Variants in FOXN2 observed in about 807,000 individuals in gnomAD.
The protein encoded by FOXN2 is forkhead box protein N2.
A neutral mutation model predicts 41.2 loss-of-function variants in FOXN2; 19 were observed. The observed-to-expected ratio is 0.46, with a 90% CI of 0.32 to 0.68. The LOEUF is 0.68. Ranked by LOEUF, FOXN2 falls within the 30% of genes least tolerant of loss-of-function variation. The probability of loss-of-function intolerance (pLI) is 0.03; values close to 1 mark genes in which losing one functional copy is unlikely to be tolerated. For missense variants in FOXN2, 587 were observed against 509.4 expected (o/e 1.15, Z -1.47); for synonymous variants, 195 against 176.8 (o/e 1.10, Z -0.82).
Position 48,345,248 on chromosome 2 carries a change from A to G in FOXN2, c.-14-953A>G, listed in dbSNP as rs372614274. ...AACTTATAGTGAATTTAATTTAGCT[A>G]ATGATAAATTTAGTGAATAAGAAGT... On this transcript the variant is annotated intron_variant, in intron 2 of 6. Transcript: ENST00000340553. 5.9e-5 allele frequency among the ~76,000 whole-genome samples: 9 copies of G among 152,296 alleles called. No individual in the cohort carries two copies. The South Asian group carries it at 1.0e-3, about 18-fold the overall frequency.
At chr2:48,332,883 G>A (rs1035230721) in intron 2 of FOXN2, among the ~76,000 whole-genome samples, 6 of 152,108 alleles carry the variant, frequency 3.9e-5, no homozygotes, top group African/African-American at 1.4e-4. Flanking sequence ...GAAAAGCAGG[G>A]CTGGGATTTG....
chr2:48,362,549 G>A, intron 4 of FOXN2, 94 bp from the exon 5 acceptor site: 16 of 1,059,050 alleles, frequency 1.5e-5, no homozygotes, highest in Non-Finnish European at 2.3e-5. Context: ...AGCCTGGGCG[G>A]CCAGCAGAGT....
chr2:48,359,540 C>T (rs1345916078), intron 4 of FOXN2, among the ~76,000 whole-genome samples: 3 of 152,106 alleles, frequency 2.0e-5, no homozygotes, highest in Non-Finnish European at 1.5e-5. Context: ...GTGATCCTCC[C>T]ACCTCTGCCT....
intron 3 of FOXN2, among the ~76,000 whole-genome samples, chr2:48,353,551 A>G (rs1671589666): frequency 9.9e-6 from 1 of 100,866 alleles, no homozygotes; most frequent in Admixed American, 1.2e-4. Flanking sequence ...GTCACTTAAG[A>G]CTGTGTGTGT....
intron 1 of FOXN2, among the ~76,000 whole-genome samples, chr2:48,321,573 A>G (rs550365837): frequency 1.2e-4 from 19 of 152,176 alleles, no homozygotes; most frequent in African/African-American, 4.6e-4. Context: ...TGGTAAGGGT[A>G]AAAGTATTAT....
chr2:48,372,154 T>A (rs989259510), intron 5 of FOXN2, among the ~76,000 whole-genome samples: 5 of 152,200 alleles, frequency 3.3e-5, no homozygotes, highest in Admixed American at 6.5e-5. Flanking sequence ...CAGTAAGATA[T>A]TAGCTGTGGA....
At chr2:48,347,428 A>T (rs1426692565) in intron 3 of FOXN2, among the ~76,000 whole-genome samples, 1 of 151,656 alleles carries the variant, frequency 6.6e-6, no homozygotes, top group Admixed American at 6.6e-5. Context: ...GGGTTTTGCC[A>T]TGTTGTCCAG....
At chr2:48,365,310 A>C (rs1015769392) in intron 5 of FOXN2, among the ~76,000 whole-genome samples, 1 of 152,234 alleles carries the variant, frequency 6.6e-6, no homozygotes, top group Non-Finnish European at 1.5e-5. Context: ...GCCTTAACAT[A>C]AGACAAATAT....
chr2:48,330,961 C>T (rs146652715), intron 2 of FOXN2, among the ~76,000 whole-genome samples: 69 of 152,248 alleles, frequency 4.5e-4, no homozygotes, highest in African/African-American at 1.6e-3. Context: ...TACAGTCTTC[C>T]TCAGGCCCCT....
chr2:48,334,039 T>C (rs912844499), intron 2 of FOXN2, among the ~76,000 whole-genome samples: 4 of 152,096 alleles, frequency 2.6e-5, no homozygotes, highest in African/African-American at 9.7e-5. Flanking sequence ...GACTAAGATA[T>C]GGAAGTAAGG....
intron 1 of FOXN2, among the ~76,000 whole-genome samples, chr2:48,323,160 TTC>T (rs1284866279): frequency 6.6e-6 from 1 of 152,136 alleles, no homozygotes; most frequent in African/African-American, 2.4e-5. Flanking sequence ...TTTTTAAATA[TTC>T]TGTTTTTTTT....
rs758183705 is a variant in FOXN2, at chr2:48,375,226, A to G, written c.1079A>G (p.Asp360Gly). ...EEDTDVDYED[D>G]PLGDSGYASQ... is the part of the protein sequence containing the mutation. Reference sequence around the variant, plus strand: ...GATACAGACGTTGATTATGAAGATGATCCTCTTGGAGACAGTGGCTATGCA... The same window carrying G: ...GATACAGACGTTGATTATGAAGATGGTCCTCTTGGAGACAGTGGCTATGCA... The change falls in exon 7 of 7, where the codon GAT (aspartate) becomes GGT (glycine). Residue 360 changes from aspartate (D) to glycine (G), a missense_variant. Coordinates refer to ENST00000340553, the MANE Select transcript of FOXN2 (RefSeq NM_002158.4). 1 of 1,614,106 alleles carries G rather than the reference A, an allele frequency of 6.2e-7. No homozygotes were observed. The highest frequency in any genetic ancestry group is 8.5e-7 in the Non-Finnish European group (1 of 1,179,994).
intron 5 of FOXN2, among the ~76,000 whole-genome samples, chr2:48,370,702 G>A (rs1027312046): frequency 6.6e-6 from 1 of 152,092 alleles, no homozygotes. Context: ...TATTGTAGAT[G>A]TTAATCCCCT....
At chr2:48,326,315 A>T (rs551547663) in intron 1 of FOXN2, among the ~76,000 whole-genome samples, 1 of 152,320 alleles carries the variant, frequency 6.6e-6, no homozygotes, top group Admixed American at 6.5e-5. Flanking sequence ...GAACAAGGGA[A>T]AGAGTGGCAA....
At position 48,327,446 on chromosome 2, in the gene FOXN2, A is replaced by G. The variant is rs111370858; in HGVS notation, c.-156-1115A>G. On this transcript the variant is annotated intron_variant, in intron 1 of 6. Coordinates refer to ENST00000340553, the MANE Select transcript of FOXN2 (RefSeq NM_002158.4). ...TATTACTTTCTAAAATGATCTGGAG[A>G]TAGTCTTTTTTTTTTTGAGATGGAA... 3.6e-3 allele frequency among the ~76,000 whole-genome samples: 529 copies of G among 148,420 alleles called. 6 individuals are homozygous for G. Among genetic ancestry groups the G allele is most frequent in the African/African-American group, 0.012 (495 of 40,624 alleles).
intron 1 of FOXN2, among the ~76,000 whole-genome samples, chr2:48,324,526 G>T (rs746983910): frequency 6.2e-4 from 95 of 152,166 alleles, no homozygotes; most frequent in Middle Eastern, 3.4e-3. Context: ...GTTTCATGTA[G>T]TTTGATTAAA....
At position 48,340,999 on chromosome 2, in the gene FOXN2, A is replaced by C. The variant is rs573355495; in HGVS notation, c.-14-5202A>C. On this transcript the variant is annotated intron_variant, in intron 2 of 6. Coordinates refer to ENST00000340553, the MANE Select transcript of FOXN2 (RefSeq NM_002158.4). ...AAATTCGTTTATTAGTGGTTGTATT[A>C]ATTACTTGGATTAAGCTAGTTATAC... 3.3e-5 allele frequency among the ~76,000 whole-genome samples: 5 copies of C among 152,288 alleles called. No homozygotes were observed. In the South Asian group the frequency reaches 1.0e-3, roughly 32 times the overall value.
At chr2:48,362,933 A>G (rs74741981) in intron 5 of FOXN2, among the ~76,000 whole-genome samples, 1 of 152,354 alleles carries the variant, frequency 6.6e-6, no homozygotes, top group Non-Finnish European at 1.5e-5. Flanking sequence ...GTAAAAGTAT[A>G]GCACGTAGTT....
chr2:48,376,492 T>C lies in FOXN2; in HGVS notation c.*1049T>C, dbSNP rs1339075250. The C allele has an allele frequency of 2.0e-5, 3 of 152,490 alleles. No individual in the cohort carries two copies. Among genetic ancestry groups the C allele is most frequent in the Non-Finnish European group, 4.4e-5 (3 of 67,950 alleles). The allele number at this position is 152,490 out of a possible 1,614,324, so 9.4% of individuals were successfully genotyped here. On this transcript the variant is annotated 3_prime_UTR_variant, in exon 7 of 7. Transcript: ENST00000340553. ...ATAAGTATACCAAATTAAATCTTAA[T>C]AGATTTAATGCAATTTTACAGACAC...
Sources: gnomAD v4.1 joint callset for allele counts (sites outside exome capture counted in the v4.1 genomes callset) on GRCh38, gnomAD v4.1.1 for gene constraint, MANE v1.5 for transcripts, NCBI Gene and HGNC (gene_info 2026-07-23, HGNC 2026-07-21) for gene names.